Variants in INTS4 observed in about 807,000 individuals in gnomAD.
INTS4 encodes the protein MSTP093.
INTS4 carries 70 observed loss-of-function variants against 119.5 expected under a neutral mutation model. That is an observed-to-expected ratio of 0.59 (90% confidence interval 0.48 to 0.71). The LOEUF is 0.71. Ranked by LOEUF, INTS4 falls within the 30% of genes least tolerant of loss-of-function variation. The pLI, the probability that INTS4 is intolerant of heterozygous loss-of-function variation, is 0.00. For synonymous variants in INTS4, 316 were observed against 419.6 expected, an observed-to-expected ratio of 0.75 and a Z score of 3.02; for missense variants, 867 against 1,173.2, an observed-to-expected ratio of 0.74 and a Z score of 3.81.
At chr11:77,933,046 G>A (rs1459655630) in intron 10 of INTS4, among the ~76,000 whole-genome samples, 10 of 151,996 alleles carry the variant, frequency 6.6e-5, no homozygotes, top group Non-Finnish European at 1.3e-4. Flanking sequence ...ACCATGGCAC[G>A]TGTATACCTA....
chr11:77,980,002 C>T (rs58559272), intron 3 of INTS4, among the ~76,000 whole-genome samples: 80,968 of 139,482 alleles, frequency 0.58, 23,918 homozygotes, highest in African/African-American at 0.62. Context: ...AAAGAAGAAA[C>T]AGAAAAAAAA....
intron 8 of INTS4, 125 bp from the exon 9 acceptor site, chr11:77,941,376 A>T: frequency 3.0e-6 from 3 of 1,015,974 alleles, no homozygotes; most frequent in Non-Finnish European, 4.1e-6. Context: ...TAAAGATGCT[A>T]TGGGTTCTGA....
chr11:77,901,528 C>T lies in INTS4; in HGVS notation c.2121G>A (p.Met707Ile), dbSNP rs1371612913. 1.9e-6 allele frequency: 3 copies of T among 1,609,082 alleles called. No individual in the cohort carries two copies. Among genetic ancestry groups the T allele is most frequent in the African/African-American group, 2.7e-5 (2 of 74,920 alleles). The change falls in exon 18 of 23, where the codon ATG becomes ATA. Residue 707 changes from methionine to isoleucine, a missense_variant. Transcript: ENST00000534064. The stretch of plus-strand genomic sequence containing the variant: ...TCTCCACACCACTGTACATGAATTC[C>T]ATTTTGTAGGTCTCTTCCATAATCT... ...AKQIMEETYKMEFMYSGVENK... is the reference protein window; with the variant it reads ...AKQIMEETYKIEFMYSGVENK...
In INTS4 at chr11:77,895,531, A is replaced by G. The variant is rs1952479061; in HGVS notation, c.2229-1182T>C. Among the ~76,000 whole-genome samples the G allele has an allele frequency of 8.8e-5, 6 of 67,910 alleles. No homozygotes were observed. In the Admixed American group the frequency reaches 1.0e-3, roughly 12 times the overall value. 44.6% of individuals were successfully genotyped at this position (67,910 alleles called of 152,430 possible). A position where few individuals can be genotyped will look rare whatever the true frequency, so the allele number is the denominator to read the frequency against. ...ATTCATTCTAATTCTTTTCCTGAAAAAAAAAAAAAAAAAAAAAAAAAAAAA... is the reference window on the plus strand; with the variant it reads ...ATTCATTCTAATTCTTTTCCTGAAAGAAAAAAAAAAAAAAAAAAAAAAAAA... On this transcript the variant is annotated intron_variant, in intron 18 of 22. Coordinates refer to ENST00000534064, the MANE Select transcript of INTS4 (RefSeq NM_033547.4).
Position 77,965,180 on chromosome 11 carries a change from A to G in INTS4, c.472-4042T>C, listed in dbSNP as rs190421015. 6.6e-5 allele frequency among the ~76,000 whole-genome samples: 10 copies of G among 152,228 alleles called. No individual in the cohort carries two copies. In the East Asian group the frequency reaches 1.9e-3, roughly 29 times the overall value. On this transcript the variant is annotated intron_variant, in intron 4 of 22. Transcript: ENST00000534064. ...TGGGTTCAAGCAATCCTCCTGACTC[A>G]GCCTGAGAATACAGGTGCAAGCCAC...
downstream of INTS4, chr11:77,876,900 C>A: frequency 2.9e-6 from 2 of 694,110 alleles, no homozygotes; most frequent in African/African-American, 1.8e-5. Flanking sequence ...TCTATAATTA[C>A]AGCACGATGG....
chr11:77,901,564 G>C lies in INTS4; in HGVS notation c.2098-13C>G. 1 of 1,578,378 alleles carries C rather than the reference G, an allele frequency of 6.3e-7. No individual in the cohort carries two copies. Among genetic ancestry groups the C allele is most frequent in the South Asian group, 1.1e-5 (1 of 90,082 alleles). On this transcript the variant is annotated splice_polypyrimidine_tract_variant and intron_variant, in intron 17 of 22. Coordinates refer to ENST00000534064, the MANE Select transcript of INTS4 (RefSeq NM_033547.4). Reference sequence around the variant, plus strand: ...TCTCTTCCATAATCTATAAAGGAAAGATAATTAACAATCAATAAAAATATC... The same window carrying C: ...TCTCTTCCATAATCTATAAAGGAAACATAATTAACAATCAATAAAAATATC...
At chr11:77,917,209 C>T (rs1205984365) in intron 15 of INTS4, among the ~76,000 whole-genome samples, 9 of 152,164 alleles carry the variant, frequency 5.9e-5, no homozygotes, top group Non-Finnish European at 1.2e-4. Context: ...ATGAAATCAT[C>T]CACTAAAAAT....
intron 10 of INTS4, among the ~76,000 whole-genome samples, chr11:77,929,919 G>A (rs1953605053): frequency 2.0e-5 from 3 of 152,156 alleles, no homozygotes; most frequent in Admixed American, 2.0e-4. Flanking sequence ...CTAGGGTATA[G>A]GTTTGGGTTC....
intron 18 of INTS4, among the ~76,000 whole-genome samples, chr11:77,900,350 T>C (rs566172399): frequency 3.1e-4 from 47 of 152,114 alleles, no homozygotes; most frequent in Non-Finnish European, 2.6e-4. Flanking sequence ...CTGCCCACCT[T>C]GGCCTCCCAA....
intron 4 of INTS4, among the ~76,000 whole-genome samples, chr11:77,970,848 G>A (rs558639502): frequency 3.5e-4 from 54 of 152,160 alleles, no homozygotes; most frequent in African/African-American, 1.3e-3. Context: ...TCTTGCTCTT[G>A]TCACCCAGGC....
intron 22 of INTS4, among the ~76,000 whole-genome samples, chr11:77,883,576 C>T (rs1013527114): frequency 1.6e-4 from 25 of 152,088 alleles, no homozygotes; most frequent in Non-Finnish European, 1.5e-5. Flanking sequence ...TTCCATGAGA[C>T]TCCATTCTAT....
intron 22 of INTS4, among the ~76,000 whole-genome samples, chr11:77,881,466 C>G (rs547347670): frequency 6.6e-6 from 1 of 152,292 alleles, no homozygotes; most frequent in South Asian, 2.1e-4. Flanking sequence ...TGCCCCAAAC[C>G]GGAAGGGACA....
intron 21 of INTS4, among the ~76,000 whole-genome samples, chr11:77,890,521 T>C (rs1394465445): frequency 6.6e-6 from 1 of 151,900 alleles, no homozygotes; most frequent in African/African-American, 2.4e-5. Context: ...TAGCCCTGCA[T>C]GTGGTAGAGG....
intron 10 of INTS4, among the ~76,000 whole-genome samples, chr11:77,934,100 C>A (rs372256634): frequency 3.2e-4 from 48 of 152,084 alleles, no homozygotes; most frequent in Middle Eastern, 3.4e-3. Context: ...CCCCCAACCC[C>A]GTGCTCTCTG....
At chr11:77,948,791 G>GA (rs796627166) in intron 8 of INTS4, among the ~76,000 whole-genome samples, 106 of 118,352 alleles carry the variant, frequency 9.0e-4, no homozygotes, top group East Asian at 2.7e-3. Context: ...CTCAAAGAAA[G>GA]AAAAAAAAAA....
chr11:77,965,821 A>C (rs12807305), intron 4 of INTS4, among the ~76,000 whole-genome samples: 2,562 of 152,296 alleles, frequency 0.017, 21 homozygotes, highest in African/African-American at 0.023. Flanking sequence ...TACTGATTTC[A>C]ATTCCTTTAG....
chr11:77,981,146 G>C (rs1294876239), intron 3 of INTS4, among the ~76,000 whole-genome samples: 1 of 141,510 alleles, frequency 7.1e-6, no homozygotes, highest in East Asian at 2.1e-4. Flanking sequence ...GAGTCAGGCT[G>C]CTCAATATAT....
At chr11:77,934,290 G>C (rs1054802779) in intron 10 of INTS4, among the ~76,000 whole-genome samples, 4 of 151,182 alleles carry the variant, frequency 2.6e-5, no homozygotes, top group Admixed American at 6.6e-5. Context: ...GAAAACCAGA[G>C]ACCCTTGTTC....
Sources: gnomAD v4.1 joint callset for allele counts (sites outside exome capture counted in the v4.1 genomes callset) on GRCh38, gnomAD v4.1.1 for gene constraint, MANE v1.5 for transcripts, NCBI Gene and HGNC (gene_info 2026-07-23, HGNC 2026-07-21) for gene names.